Variants in ZDHHC13 observed in about 807,000 individuals in gnomAD.
The protein encoded by ZDHHC13 is zDHHC palmitoyltransferase 13, also known as palmitoyltransferase ZDHHC13.
Under a neutral mutation model 86.0 loss-of-function variants are expected in ZDHHC13, and 85 were observed. That is an observed-to-expected ratio of 0.99 (90% CI 0.83 to 1.18). ZDHHC13 has a LOEUF of 1.18. ZDHHC13 is among the 50% of genes most tolerant of loss of function. ZDHHC13 has a pLI of 0.00. For missense variants in ZDHHC13, 711 were observed against 730.2 expected (o/e 0.97, Z 0.30); for synonymous variants, 263 against 246.4 (o/e 1.07, Z -0.63).
intron 10 of ZDHHC13, among the ~76,000 whole-genome samples, chr11:19,160,051 GA>G (rs1270523235): frequency 6.6e-6 from 1 of 151,954 alleles, no homozygotes; most frequent in Non-Finnish European, 1.5e-5. Flanking sequence ...AGAAAGAACA[GA>G]ATGTTTATGG....
intron 1 of ZDHHC13, chr11:19,118,643 T>C (rs1848697307): frequency 6.6e-6 from 1 of 152,168 alleles, no homozygotes; most frequent in Non-Finnish European, 1.5e-5. Context: ...AGGGAGAGAA[T>C]GATTTGGTGG....
At position 19,135,960 on chromosome 11, in the gene ZDHHC13, A is replaced by G. The variant is rs1222264954; in HGVS notation, c.28-7018A>G. ...TCAAAGACCAAAAGTAGATAAAACC[A>G]CAAAGATGGGGAAAAAACAGAGCAG... On this transcript the variant is annotated intron_variant, in intron 1 of 16. Coordinates refer to ENST00000446113, the MANE Select transcript of ZDHHC13 (RefSeq NM_019028.3). 2.0e-5 allele frequency among the ~76,000 whole-genome samples: 3 copies of G among 152,314 alleles called. No individual in the cohort carries two copies. The South Asian group carries it at 6.2e-4, about 32-fold the overall frequency.
Position 19,117,364 on chromosome 11 carries a change from C to A in ZDHHC13, c.27+88C>A. On this transcript the variant is annotated intron_variant, in intron 1 of 16. Transcript: ENST00000446113. The surrounding 1 kb of genome is among the most constrained non-coding windows in gnomAD (Gnocchi z 4.2). ...AGGATGGTGTGGGTGAGAGGCCGCT[C>A]GATGAGGGGGTTTCGGGAGCGGCGG... is the stretch of plus-strand genomic sequence containing the variant. 7.7e-7 allele frequency: 1 copy of A among 1,300,014 alleles called. No individual in the cohort carries two copies. Among genetic ancestry groups the A allele is most frequent in the Non-Finnish European group, 1.0e-6 (1 of 998,960 alleles). 80.5% of individuals were successfully genotyped at this position (1,300,014 alleles called of 1,614,324 possible).
At chr11:19,154,647 C>T (rs981141921) in intron 8 of ZDHHC13, among the ~76,000 whole-genome samples, 2 of 152,116 alleles carry the variant, frequency 1.3e-5, no homozygotes, top group African/African-American at 4.8e-5. Flanking sequence ...CCAAAATAAA[C>T]CTGAATTAGT....
Position 19,161,296 on chromosome 11 carries a change from A to G in ZDHHC13, c.1109-2007A>G, listed in dbSNP as rs1056806638. 4.6e-5 allele frequency among the ~76,000 whole-genome samples: 7 copies of G among 152,018 alleles called. 1 individual carries two copies. The highest frequency in any genetic ancestry group is 1.5e-4 in the African/African-American group (6 of 41,264). ...CAGACTAGTTATGCACCATTGGGGC[A>G]AGGTACATAATTTCACCAAGCCTTA... is the stretch of plus-strand genomic sequence containing the variant. On this transcript the variant is annotated intron_variant, in intron 10 of 16. Transcript: ENST00000446113.
chr11:19,145,446 AC>A (rs1849434893), intron 2 of ZDHHC13, among the ~76,000 whole-genome samples: 1 of 151,992 alleles, frequency 6.6e-6, no homozygotes, highest in Non-Finnish European at 1.5e-5. Context: ...CCTCTTTAAA[AC>A]CCTTTATTGG....
intron 11 of ZDHHC13, 32 bp downstream of exon 11, chr11:19,163,459 A>T (rs1241443462): frequency 1.3e-6 from 2 of 1,557,534 alleles, no homozygotes; most frequent in Non-Finnish European, 1.7e-6. Flanking sequence ...TATTTTTAAT[A>T]GGAGGGTTTG....
rs1004624152 is a variant in ZDHHC13, at chr11:19,150,754, C to A, written c.547C>A (p.Gln183Lys). 1 of 1,610,686 alleles carries A rather than the reference C, an allele frequency of 6.2e-7. No homozygotes were observed. The change falls in exon 6 of 17, where the codon CAG (glutamine) becomes AAG (lysine). Residue 183 changes from glutamine to lysine, a missense_variant. Transcript: ENST00000446113. ...QSVNMTDVNG[Q>K]TPLMLSAHKV... Reference sequence around the variant, plus strand: ...TGTGAATATGACAGATGTAAATGGGCAGACACCTCTCATGTTATCAGCTCA... The same window carrying A: ...TGTGAATATGACAGATGTAAATGGGAAGACACCTCTCATGTTATCAGCTCA...
At chr11:19,147,491 A>G (rs1849496133) in intron 3 of ZDHHC13, 105 bp from the exon 4 acceptor site, 1 of 967,918 alleles carries the variant, frequency 1.0e-6, no homozygotes, top group Admixed American at 2.4e-5. Flanking sequence ...TACTATCATA[A>G]TTTGTTCTCC....
rs879358263 is a variant in ZDHHC13 at position 19,147,777 on chromosome 11, C to CCA, written c.374+105_374+106insAC. ...TTTGAAAGGCTGTCTTTTCTTCCCC[C>CCA]CCCCCCTTTATTTAAAAATAAATTT... is the stretch of plus-strand genomic sequence containing the variant. On this transcript the variant is annotated intron_variant, in intron 4 of 16. Coordinates refer to ENST00000446113, the MANE Select transcript of ZDHHC13 (RefSeq NM_019028.3). 1.0e-5 allele frequency: 8 copies of CCA among 767,746 alleles called. No homozygotes were observed. The East Asian group carries it at 1.3e-4, about 12-fold the overall frequency. 47.6% of individuals were successfully genotyped at this position (767,746 alleles called of 1,614,324 possible). A position where few individuals can be genotyped will look rare whatever the true frequency, so the allele number is the denominator to read the frequency against.
chr11:19,159,262 T>C (rs1167110257), intron 10 of ZDHHC13, among the ~76,000 whole-genome samples: 1 of 152,190 alleles, frequency 6.6e-6, no homozygotes, highest in Non-Finnish European at 1.5e-5. Flanking sequence ...TATTTATTAC[T>C]CATAGGAGGG....
At chr11:19,150,246 AT>A (rs1849572600) in intron 5 of ZDHHC13, among the ~76,000 whole-genome samples, 2 of 152,164 alleles carry the variant, frequency 1.3e-5, no homozygotes, top group African/African-American at 4.8e-5. Flanking sequence ...TAGAAAGGAA[AT>A]TTTCATATTT....
chr11:19,166,461 T>C, intron 14 of ZDHHC13, 76 bp downstream of exon 14: 2 of 1,201,280 alleles, frequency 1.7e-6, no homozygotes, highest in Non-Finnish European at 2.4e-6. Flanking sequence ...CCCTTGTATA[T>C]CACATTCTGG....
rs1351658305 is a variant in ZDHHC13 at position 19,117,326 on chromosome 11, A to C, written c.27+50A>C. On this transcript the variant is annotated intron_variant, in intron 1 of 16. Transcript: ENST00000446113. The surrounding 1 kb of genome is among the most constrained non-coding windows in gnomAD (Gnocchi z 4.2). Reference sequence around the variant, plus strand: ...TCCTGGGGGCCGGGAGAGCGGCTGCAGCTGTGGAGGAAAGGATGGTGTGGG... The same window carrying C: ...TCCTGGGGGCCGGGAGAGCGGCTGCCGCTGTGGAGGAAAGGATGGTGTGGG... 4 of 1,432,146 alleles carry C rather than the reference A, an allele frequency of 2.8e-6. No homozygotes were observed. The Admixed American group carries it at 1.1e-4, about 38-fold the overall frequency. 88.7% of individuals were successfully genotyped at this position (1,432,146 alleles called of 1,614,324 possible). A position where few individuals can be genotyped will look rare whatever the true frequency, so the allele number is the denominator to read the frequency against.
rs770321399 is a variant in ZDHHC13, at chr11:19,163,259, T to C, written c.1109-44T>C. ...AAATTTGCTTACATCATAATTACATTATTTTTAAAGGAAGTTTGGTGTATT... is the reference window on the plus strand; with the variant it reads ...AAATTTGCTTACATCATAATTACATCATTTTTAAAGGAAGTTTGGTGTATT... On this transcript the variant is annotated intron_variant, in intron 10 of 16. Transcript: ENST00000446113. 22 of 1,545,362 alleles carry C rather than the reference T, an allele frequency of 1.4e-5. No individual in the cohort carries two copies. The South Asian group carries it at 2.8e-4, about 19-fold the overall frequency.
intron 1 of ZDHHC13, among the ~76,000 whole-genome samples, chr11:19,138,700 A>T (rs2133389818): frequency 6.6e-6 from 1 of 151,426 alleles, no homozygotes; most frequent in East Asian, 1.9e-4. Flanking sequence ...CAGCACATCA[A>T]AAAGCTTATC....
chr11:19,164,159 A>G, intron 11 of ZDHHC13, 142 bp from the exon 12 acceptor site: 1 of 749,656 alleles, frequency 1.3e-6, no homozygotes, highest in Non-Finnish European at 2.1e-6. Context: ...CATTTCAAGC[A>G]CAGAATGATT....
At chr11:19,126,644 C>A (rs184994108) in intron 1 of ZDHHC13, among the ~76,000 whole-genome samples, 103 of 151,714 alleles carry the variant, frequency 6.8e-4, no homozygotes, top group South Asian at 1.3e-3. Flanking sequence ...GCCACCATGC[C>A]CAGCCTGCTG....
chr11:19,151,161 A>G (rs575541548), intron 6 of ZDHHC13, among the ~76,000 whole-genome samples: 3 of 152,188 alleles, frequency 2.0e-5, no homozygotes, highest in Admixed American at 2.0e-4. Flanking sequence ...TAAGTGATAA[A>G]TCTGCTTTCT....
Sources: allele counts gnomAD v4.1 joint callset (sites outside exome capture counted in the v4.1 genomes callset), GRCh38; gene constraint gnomAD v4.1.1; non-coding constraint Gnocchi (gnomAD v3.1); transcripts MANE v1.5; gene names NCBI Gene and HGNC (gene_info 2026-07-23, HGNC 2026-07-21).